Variants in NCKAP5 observed in about 807,000 individuals in gnomAD.
NCKAP5 encodes the protein NCK associated protein 5.
A neutral mutation model predicts 167.0 loss-of-function variants in NCKAP5; 92 were observed. The observed-to-expected ratio is 0.55, with a 90% confidence interval of 0.47 to 0.66. The LOEUF is 0.66. Ranked by LOEUF, NCKAP5 falls within the 30% of genes least tolerant of loss-of-function variation. The pLI, the probability that NCKAP5 is intolerant of heterozygous loss-of-function variation, is 0.00. For synonymous variants in NCKAP5, 891 were observed against 877.4 expected (o/e 1.02, Z -0.27); for missense variants, 2,378 against 2,315.0 (o/e 1.03, Z -0.56).
At chr2:133,036,213 G>A (rs1055323377) in intron 6 of NCKAP5, among the ~76,000 whole-genome samples, 1 of 151,862 alleles carries the variant, frequency 6.6e-6, no homozygotes, top group Non-Finnish European at 1.5e-5. Context: ...CTTGGGACCC[G>A]ATGGCTTCAC....
chr2:132,800,061 C>T (rs1401634949), intron 11 of NCKAP5, among the ~76,000 whole-genome samples: 2 of 152,138 alleles, frequency 1.3e-5, no homozygotes, highest in Non-Finnish European at 2.9e-5. Context: ...ACATAATATA[C>T]AGGCATGTGT....
chr2:132,737,823 G>A (rs562579202), intron 16 of NCKAP5, among the ~76,000 whole-genome samples: 10 of 152,266 alleles, frequency 6.6e-5, no homozygotes, highest in East Asian at 3.9e-4. Context: ...TGTAAGCATC[G>A]TGCAGGCATA....
At chr2:133,340,392 A>G (rs185896983) in intron 3 of NCKAP5, among the ~76,000 whole-genome samples, 6 of 152,298 alleles carry the variant, frequency 3.9e-5, no homozygotes, top group Non-Finnish European at 7.4e-5. Flanking sequence ...AGTTTTACCA[A>G]AAGAACACAT....
Position 132,728,895 on chromosome 2 carries a change from G to A in NCKAP5, c.5501C>T (p.Ser1834Leu), listed in dbSNP as rs375072544. Residue 1834 changes from serine to leucine, a missense_variant, in exon 18 of 20, where the codon TCA (serine) becomes TTA (leucine). By Grantham distance (145) the Ser-to-Leu change is moderately radical. Around this residue, in one of 3 missense-constraint regions of NCKAP5, gnomAD observed 1,325 missense variants for 1,274.5 expected, o/e 1.04. Transcript: ENST00000409261. ...EAEPRPQTCS[S>L]FGYAEDPMAS... The stretch of plus-strand genomic sequence containing the variant: ...CATTGGGTCTTCAGCATATCCGAAT[G>A]ATGAGCATGTCTGAGGCCTTGGCTC... 1.9e-5 allele frequency: 30 copies of A among 1,613,992 alleles called. No homozygotes were observed. The African/African-American group carries it at 2.4e-4, about 13-fold the overall frequency.
the NCKAP5 span, among the ~76,000 whole-genome samples, chr2:133,639,698 T>G: frequency 2.0e-5 from 3 of 152,072 alleles, no homozygotes; most frequent in Non-Finnish European, 4.4e-5. Context: ...AGCCCATCAG[T>G]GCATCTCAAA....
intron 3 of NCKAP5, among the ~76,000 whole-genome samples, chr2:133,389,732 G>A (rs182856489): frequency 1.2e-4 from 18 of 152,318 alleles, no homozygotes; most frequent in Non-Finnish European, 2.5e-4. Flanking sequence ...ACACATTCGT[G>A]TGGGTGCAGG....
intron 5 of NCKAP5, among the ~76,000 whole-genome samples, chr2:133,168,390 A>G (rs1202111296): frequency 1.3e-5 from 2 of 150,914 alleles, no homozygotes; most frequent in African/African-American, 2.4e-5. Context: ...CTAATGGACT[A>G]TTCCCTGCTC....
At chr2:132,676,716 A>T (rs1453932539) in intron 19 of NCKAP5, among the ~76,000 whole-genome samples, 1 of 152,210 alleles carries the variant, frequency 6.6e-6, no homozygotes, top group African/African-American at 2.4e-5. Context: ...TTGCAAACTA[A>T]TCATGGTAAT....
chr2:133,223,006 A>G (rs367657497), intron 4 of NCKAP5, among the ~76,000 whole-genome samples: 19 of 152,246 alleles, frequency 1.2e-4, no homozygotes, highest in African/African-American at 4.6e-4. Flanking sequence ...GAAAACCACC[A>G]TTACAAATTT....
At chr2:133,251,118 GA>G (rs2150337324) in intron 4 of NCKAP5, among the ~76,000 whole-genome samples, 1 of 150,384 alleles carries the variant, frequency 6.6e-6, no homozygotes, top group African/African-American at 2.4e-5. Flanking sequence ...AAAACACAAA[GA>G]AAAAATACAG....
chr2:133,366,904 GT>G (rs1685490152), intron 3 of NCKAP5, among the ~76,000 whole-genome samples: 1 of 152,006 alleles, frequency 6.6e-6, no homozygotes, highest in Non-Finnish European at 1.5e-5. Context: ...GTAAAACAAA[GT>G]TACAATAATG....
intron 6 of NCKAP5, among the ~76,000 whole-genome samples, chr2:133,015,838 G>A (rs969940334): frequency 6.6e-6 from 1 of 152,112 alleles, no homozygotes; most frequent in African/African-American, 2.4e-5. Flanking sequence ...GGAGAGATGT[G>A]GGCCACCTGG....
chr2:133,189,388 T>G (rs187490796), intron 5 of NCKAP5, among the ~76,000 whole-genome samples: 1 of 152,308 alleles, frequency 6.6e-6, no homozygotes, highest in East Asian at 1.9e-4. Context: ...CTTCTGAAAC[T>G]ATTCCAATCA....
chr2:133,052,420 A>C (rs571490105), intron 6 of NCKAP5, among the ~76,000 whole-genome samples: 25 of 152,260 alleles, frequency 1.6e-4, no homozygotes, highest in African/African-American at 6.0e-4. Context: ...AAAGAGTATG[A>C]AAACTGGAGA....
In NCKAP5 at chr2:132,874,895, G is replaced by GTTTATTTTATTTTATTTTAT. The variant is rs72377677; in HGVS notation, c.648+3933_648+3952dup. ...ACACCTTGAGAAACACTGGGATATG[G>GTTTATTTTATTTTATTTTAT]TTTATTTTATTTTATTTTATTTTAT... On this transcript the variant is annotated intron_variant, in intron 9 of 19. Coordinates refer to ENST00000409261, the MANE Select transcript of NCKAP5 (RefSeq NM_207363.3). Among the ~76,000 whole-genome samples, 101 of 150,404 alleles carry GTTTATTTTATTTTATTTTAT rather than the reference G, an allele frequency of 6.7e-4. 1 individual carries two copies. The highest frequency in any genetic ancestry group is 2.3e-3 in the African/African-American group (94 of 40,898).
At chr2:132,831,959 T>G (rs1296416238) in intron 11 of NCKAP5, among the ~76,000 whole-genome samples, 6 of 152,100 alleles carry the variant, frequency 3.9e-5, no homozygotes, top group African/African-American at 1.2e-4. Flanking sequence ...TAAAATAATA[T>G]CTCTATCATA....
At chr2:132,909,552 A>G (rs1694278334) in intron 8 of NCKAP5, among the ~76,000 whole-genome samples, 1 of 152,162 alleles carries the variant, frequency 6.6e-6, no homozygotes. Flanking sequence ...ATTATCGACA[A>G]TGGTTCTGAG....
chr2:133,350,675 T>C (rs1263021490), intron 3 of NCKAP5, among the ~76,000 whole-genome samples: 2 of 152,090 alleles, frequency 1.3e-5, no homozygotes, highest in Non-Finnish European at 2.9e-5. Flanking sequence ...ATTATGGTCA[T>C]CCCACAGTGA....
chr2:132,676,348 C>T (rs1684486845), intron 19 of NCKAP5, among the ~76,000 whole-genome samples: 1 of 126,164 alleles, frequency 7.9e-6, no homozygotes, highest in South Asian at 2.9e-4. Flanking sequence ...TCCCCTATTT[C>T]CCTTCCCCCA....
Sources: gnomAD v4.1 joint callset for allele counts (sites outside exome capture counted in the v4.1 genomes callset) on GRCh38, gnomAD v4.1.1 for gene constraint, gnomAD v4.1.1 regional missense constraint, MANE v1.5 for transcripts, NCBI Gene and HGNC (gene_info 2026-07-23, HGNC 2026-07-21) for gene names.